The following PDIA2 variants were observed in gnomAD, a reference collection of about 807,000 sequenced individuals.
PDIA2 encodes protein disulfide-isomerase A2.
Under a neutral mutation model 51.1 loss-of-function variants are expected in PDIA2, and 76 were observed. That is an observed-to-expected ratio of 1.49 (90% CI 1.24 to 1.80). The LOEUF (loss-of-function observed/expected upper bound fraction) is 1.80. Among genes scored for constraint, PDIA2 ranks in the 40% most tolerant of loss-of-function variants. The pLI is 0.00. For missense variants in PDIA2, 946 were observed against 706.5 expected, an observed-to-expected ratio of 1.34 and a Z score of -3.84; for synonymous variants, 429 against 309.9, an observed-to-expected ratio of 1.38 and a Z score of -4.04.
At position 286,602 on chromosome 16, in the gene PDIA2, C is replaced by A. The variant is rs756471109; in HGVS notation, c.1289C>A (p.Ala430Glu). 1 of 1,612,888 alleles carries A rather than the reference C, an allele frequency of 6.2e-7. No individual in the cohort carries two copies. Among genetic ancestry groups the A allele is most frequent in the Non-Finnish European group, 8.5e-7 (1 of 1,179,968 alleles). Reference sequence around the variant, plus strand: ...AAGGAGATGGCCCCTGCCTGGGAGGCATTGGCTGAGAAGTACCAAGACCAC... The same window carrying A: ...AAGGAGATGGCCCCTGCCTGGGAGGAATTGGCTGAGAAGTACCAAGACCAC... The part of the protein sequence containing the change: ...HCKEMAPAWE[A>E]LAEKYQDHED... The change falls in exon 9 of 11, where the codon GCA becomes GAA. Residue 430 changes from alanine to glutamate, a missense_variant. By Grantham distance (107) the Ala-to-Glu change is moderately radical (BLOSUM62 -1). Coordinates refer to ENST00000219406, the MANE Select transcript of PDIA2 (RefSeq NM_006849.4).
At chr16:286,275 CA>C in intron 7 of PDIA2, 77 bp from the exon 8 acceptor site, 2 of 848,350 alleles carry the variant, frequency 2.4e-6, no homozygotes, top group South Asian at 2.3e-5. Flanking sequence ...ACCTCCCCCC[CA>C]CCCCCCAGGC....
rs1422901769 is a variant in PDIA2 at position 286,416 on chromosome 16, G to A, written c.1183G>A (p.Gly395Ser). The change falls in exon 8 of 11, where the codon GGC (glycine) becomes AGC (serine). Residue 395 changes from glycine (G) to serine (S), a missense_variant. Coordinates refer to ENST00000219406, the MANE Select transcript of PDIA2 (RefSeq NM_006849.4). ...WDQRPVKTLVGKNFEQVAFDE... is the reference protein window; with the variant it reads ...WDQRPVKTLVSKNFEQVAFDE... ...TCAGCGGCCAGTTAAGACCCTCGTG[G>A]GCAAGAATTTTGAGCAGGTGGCTTT... The A allele has an allele frequency of 6.2e-7, 1 of 1,612,592 alleles. No homozygotes were observed. The highest frequency in any genetic ancestry group is 1.6e-4 in the Middle Eastern group (1 of 6,062).
In PDIA2 at chr16:285,110, C is replaced by T. The variant is rs746409876; in HGVS notation, c.705C>T (p.Pro235=). The change falls in exon 5 of 11, where the codon CCC becomes CCT. Residue 235 remains proline, a synonymous_variant. Coordinates refer to ENST00000219406, the MANE Select transcript of PDIA2 (RefSeq NM_006849.4). The stretch of plus-strand genomic sequence containing the variant: ...TTGATGAGGGGCGGGCAGACTTCCC[C>T]GTGGACGAGGAGCTTGGCCTGGACC... ...KKFDEGRADF[P]VDEELGLDLG... is the part of the protein sequence containing the mutation. 2.6e-5 allele frequency: 42 copies of T among 1,612,902 alleles called. 1 individual carries two copies. Among genetic ancestry groups the T allele is most frequent in the South Asian group, 4.4e-5 (4 of 91,092 alleles).
Position 286,963 on chromosome 16 carries a change from A to G in PDIA2, c.1533+18A>G, listed in dbSNP as rs1835173749. 6.2e-7 allele frequency: 1 copy of G among 1,604,904 alleles called. No individual in the cohort carries two copies. Among genetic ancestry groups the G allele is most frequent in the African/African-American group, 1.3e-5 (1 of 74,524 alleles). On this transcript the variant is annotated intron_variant, in intron 10 of 10. Transcript: ENST00000219406. The stretch of plus-strand genomic sequence containing the variant: ...CGTTCCCGGTGGGTGTCCCTAAGCC[A>G]GGGCTCCAGGCCTCTGCACAAATCC...
rs546179807 is a variant in PDIA2, at chr16:286,275, C to G, written c.1120-78C>G. 13 of 848,354 alleles carry G rather than the reference C, an allele frequency of 1.5e-5. 1 individual carries two copies. The highest frequency in any genetic ancestry group is 7.7e-5 in the African/African-American group (3 of 38,884). The allele number at this position is 848,354 out of a possible 1,614,324, so 52.6% of individuals were successfully genotyped here. A position where few individuals can be genotyped will look rare whatever the true frequency, so the allele number is the denominator to read the frequency against. ...CTGACCCCGCACAGGACCTCCCCCC[C>G]ACCCCCCAGGCCCTGCACAGGACCT... On this transcript the variant is annotated intron_variant, in intron 7 of 10. Transcript: ENST00000219406.
chr16:285,836 T>C, intron 7 of PDIA2, 133 bp downstream of exon 7: 1 of 991,680 alleles, frequency 1.0e-6, no homozygotes, highest in Non-Finnish European at 1.4e-6. Context: ...AACCCGGCAA[T>C]TCTCCCAACC....
At chr16:285,996 G>T (rs1292294302) in intron 7 of PDIA2, among the ~76,000 whole-genome samples, 1 of 46,024 alleles carries the variant, frequency 2.2e-5, no homozygotes, top group Non-Finnish European at 3.9e-5. Flanking sequence ...CAACCCCGCG[G>T]TTCTCCCAAC....
chr16:284,301 C>T (rs985679995), intron 1 of PDIA2, 86 bp from the exon 2 acceptor site: 21 of 1,330,000 alleles, frequency 1.6e-5, no homozygotes, highest in African/African-American at 4.4e-5. Context: ...TGGAGCAGCA[C>T]GCTTGTTCCC....
chr16:283,422 C>T, intron 1 of PDIA2, 54 bp downstream of exon 1: 2 of 1,502,902 alleles, frequency 1.3e-6, no homozygotes, highest in African/African-American at 1.4e-5. Flanking sequence ...GCAGAGCCCA[C>T]CTGGGGGCCC....
chr16:287,151 GA>G lies in PDIA2; in HGVS notation c.*39del. The G allele has an allele frequency of 6.2e-7, 1 of 1,611,600 alleles. No homozygotes were observed. The highest frequency in any genetic ancestry group is 8.5e-7 in the Non-Finnish European group (1 of 1,179,088). On this transcript the variant is annotated 3_prime_UTR_variant, in exon 11 of 11. Transcript: ENST00000219406. ...CACCCCCGCCATCACTGCTGGACAG[GA>G]GCCACCCCCTTGGGTACCAGAGGGA...
In PDIA2 at chr16:284,956, C is replaced by T. The variant is rs554427910; in HGVS notation, c.619C>T (p.Arg207Trp). ...GGACATGACCTTTGGCCTCACAGAC[C>T]GGCCGCGGCTCTTTCAGCAGTTTGG... Reference protein sequence around the residue: ...ALDMTFGLTDRPRLFQQFGLT... With the variant: ...ALDMTFGLTDWPRLFQQFGLT... The change falls in exon 4 of 11, where the codon CGG (arginine) becomes TGG (tryptophan). Residue 207 changes from arginine to tryptophan, a missense_variant. Coordinates refer to ENST00000219406, the MANE Select transcript of PDIA2 (RefSeq NM_006849.4). 53 of 1,613,390 alleles carry T rather than the reference C, an allele frequency of 3.3e-5. No homozygotes were observed. Among genetic ancestry groups the T allele is most frequent in the African/African-American group, 1.3e-4 (10 of 75,058 alleles).
chr16:285,448 G>GAC lies in PDIA2; in HGVS notation c.921+11_921+12insAC. On this transcript the variant is annotated intron_variant, in intron 6 of 10. Coordinates refer to ENST00000219406, the MANE Select transcript of PDIA2 (RefSeq NM_006849.4). The stretch of plus-strand genomic sequence containing the variant: ...CGCTTCCGGGGGCAGGTACTGGGGG[G>GAC]CTGGGGGAAAGGGGCAGCGGGAGAG... 1 of 1,611,054 alleles carries GAC rather than the reference G, an allele frequency of 6.2e-7. No individual in the cohort carries two copies. Among genetic ancestry groups the GAC allele is most frequent in the African/African-American group, 1.3e-5 (1 of 74,840 alleles).
intron 7 of PDIA2, among the ~76,000 whole-genome samples, chr16:285,909 C>CCCAACCCCAACCCCAACA (rs1345419690): frequency 1.8e-4 from 17 of 95,408 alleles, no homozygotes; most frequent in African/African-American, 8.7e-4. Context: ...TTCTCCCAAC[C>CCCAACCCCAACCCCAACA]CCAACCCCGC....
At chr16:286,813 A>G in intron 9 of PDIA2, 22 bp from the exon 10 acceptor site, 1 of 1,611,296 alleles carries the variant, frequency 6.2e-7, no homozygotes, top group Non-Finnish European at 8.5e-7. Context: ...CGTGTCCTCC[A>G]GATCCCCCTG....
chr16:285,386 C>A lies in PDIA2; in HGVS notation c.870C>A (p.His290Gln). Residue 290 changes from histidine to glutamine, a missense_variant, in exon 6 of 11, where the codon CAC becomes CAA. By Grantham distance (24) the His-to-Gln change is conservative. Coordinates refer to ENST00000219406, the MANE Select transcript of PDIA2 (RefSeq NM_006849.4). ...TTGTCAACCAGACGCTGGCTGCGCA[C>A]CGGGAGCTCCTAGCGGGCTTTGGGG... ...LLFVNQTLAA[H>Q]RELLAGFGEA... 1 of 1,612,514 alleles carries A rather than the reference C, an allele frequency of 6.2e-7. No individual in the cohort carries two copies. The highest frequency in any genetic ancestry group is 1.1e-5 in the South Asian group (1 of 91,070).
At chr16:284,281 CAG>C in intron 1 of PDIA2, 104 bp from the exon 2 acceptor site, 1 of 1,176,150 alleles carries the variant, frequency 8.5e-7, no homozygotes. Flanking sequence ...GGCCAGGGCT[CAG>C]GGCAGAATGG....
At chr16:284,080 C>CTGG (rs1192823737) in intron 1 of PDIA2, 17 of 453,074 alleles carry the variant, frequency 3.8e-5, no homozygotes, top group Non-Finnish European at 2.9e-5. Context: ...GTTGGTCAGG[C>CTGG]TGGTCTCGAA....
rs749252523 is a variant in PDIA2 at position 286,451 on chromosome 16, C to G, written c.1218C>G (p.Thr406=). The G allele has an allele frequency of 1.9e-6, 3 of 1,613,090 alleles. No individual in the cohort carries two copies. The highest frequency in any genetic ancestry group is 1.7e-4 in the Middle Eastern group (1 of 6,056). The part of the protein sequence containing the change: ...KNFEQVAFDE[T]KNVFVKFYAP... ...TTGAGCAGGTGGCTTTTGACGAAACCAAGAATGTGTTTGTCAAGTTCTGTG... is the reference window on the plus strand; with the variant it reads ...TTGAGCAGGTGGCTTTTGACGAAACGAAGAATGTGTTTGTCAAGTTCTGTG... Residue 406 remains threonine, a synonymous_variant, in exon 8 of 11, where the codon ACC becomes ACG. Coordinates refer to ENST00000219406, the MANE Select transcript of PDIA2 (RefSeq NM_006849.4).
In PDIA2 at chr16:285,599, G is replaced by C; in HGVS notation, c.1015G>C (p.Val339Leu). 6.2e-7 allele frequency: 1 copy of C among 1,613,328 alleles called. No homozygotes were observed. The highest frequency in any genetic ancestry group is 8.5e-7 in the Non-Finnish European group (1 of 1,179,962). Residue 339 changes from valine to leucine, a missense_variant, in exon 7 of 11, where the codon GTC (valine) becomes CTC (leucine). Transcript: ENST00000219406. ...TGAGGCAGCCCCCACTCTGCGCTTG[G>C]TCAACCTTGAAACCACTAAGAAGTA... Reference protein sequence around the residue: ...KAEAAPTLRLVNLETTKKYAP... With the variant: ...KAEAAPTLRLLNLETTKKYAP...
Sources: allele counts gnomAD v4.1 joint callset (sites outside exome capture counted in the v4.1 genomes callset), GRCh38; gene constraint gnomAD v4.1.1; transcripts MANE v1.5; gene names NCBI Gene and HGNC (gene_info 2026-07-23, HGNC 2026-07-21).